Variants in TYW1 observed in about 807,000 individuals in gnomAD.
The protein encoded by TYW1 is tRNA-yW synthesizing protein 1 homolog, also known as S-adenosyl-L-methionine-dependent tRNA 4-demethylwyosine synthase TYW1.
Under a neutral mutation model 96.2 loss-of-function variants are expected in TYW1, and 46 were observed. The observed-to-expected ratio is 0.48, with a 90% CI of 0.38 to 0.61. TYW1 has a LOEUF of 0.61. TYW1 is among the 20% of genes least tolerant of loss of function. The probability of loss-of-function intolerance (pLI) is 0.00; values close to 1 mark genes in which losing one functional copy is unlikely to be tolerated. For missense variants in TYW1, 684 were observed against 909.6 expected, an observed-to-expected ratio of 0.75 and a Z score of 3.19; for synonymous variants, 274 against 323.0, an observed-to-expected ratio of 0.85 and a Z score of 1.63.
chr7:67,072,005 G>A (rs561659583), intron 10 of TYW1, among the ~76,000 whole-genome samples: 5 of 149,198 alleles, frequency 3.4e-5, no homozygotes, highest in East Asian at 2.0e-4. Flanking sequence ...CCTAAAGATC[G>A]GGCAGAGGTG....
chr7:67,211,709 G>A (rs1292130702), intron 15 of TYW1, among the ~76,000 whole-genome samples: 4 of 152,150 alleles, frequency 2.6e-5, no homozygotes, highest in Non-Finnish European at 2.9e-5. Context: ...TGAGAGACCT[G>A]GCTCCCACCC....
At chr7:67,017,528 C>T (rs879477493) in intron 5 of TYW1, among the ~76,000 whole-genome samples, 1 of 151,784 alleles carries the variant, frequency 6.6e-6, no homozygotes, top group African/African-American at 2.4e-5. Context: ...TTTGTTAACT[C>T]CTGTTTTGTT....
At chr7:67,214,664 G>T (rs569390486) in intron 15 of TYW1, among the ~76,000 whole-genome samples, 5 of 152,134 alleles carry the variant, frequency 3.3e-5, no homozygotes, top group African/African-American at 1.2e-4. Flanking sequence ...ATTAGGTTGA[G>T]AAAGTTCCCT....
At chr7:67,051,131 A>G (rs979390464) in intron 8 of TYW1, among the ~76,000 whole-genome samples, 1 of 152,054 alleles carries the variant, frequency 6.6e-6, no homozygotes, top group Non-Finnish European at 1.5e-5. Context: ...CAGCCTCCCA[A>G]AGTGCTGGGA....
At chr7:67,032,049 C>T (rs1175866165) in intron 7 of TYW1, among the ~76,000 whole-genome samples, 1 of 151,478 alleles carries the variant, frequency 6.6e-6, no homozygotes, top group African/African-American at 2.4e-5. Context: ...ATATCATAAA[C>T]AATAACAACA....
chr7:66,997,973 G>T, intron 1 of TYW1, 92 bp from the exon 2 acceptor site: 1 of 1,447,988 alleles, frequency 6.9e-7, no homozygotes, highest in Non-Finnish European at 9.2e-7. Flanking sequence ...GTTGTTGAAT[G>T]TAAGGTTGGT....
At chr7:67,131,317 C>A (rs2116055324) in intron 13 of TYW1, among the ~76,000 whole-genome samples, 1 of 152,068 alleles carries the variant, frequency 6.6e-6, no homozygotes, top group East Asian at 1.9e-4. Context: ...AAATGATGCC[C>A]TCTATTGTCA....
intron 12 of TYW1, among the ~76,000 whole-genome samples, chr7:67,101,381 G>A (rs532821644): frequency 6.6e-6 from 1 of 152,124 alleles, no homozygotes; most frequent in African/African-American, 2.4e-5. Flanking sequence ...GAAGTGGCGG[G>A]GTTTGTCCGA....
chr7:67,213,310 G>C (rs916734507), intron 15 of TYW1, among the ~76,000 whole-genome samples: 9 of 152,208 alleles, frequency 5.9e-5, no homozygotes, highest in African/African-American at 1.9e-4. Context: ...TGGGACTACA[G>C]GTTCATGCCA....
intron 15 of TYW1, among the ~76,000 whole-genome samples, chr7:67,212,260 CTT>C (rs3071734): frequency 2.4e-4 from 34 of 144,544 alleles, no homozygotes; most frequent in South Asian, 1.1e-3. Context: ...TTTTTTTAAC[CTT>C]TTTTTTTTTT....
At chr7:67,082,287 C>T (rs1796414040) in intron 10 of TYW1, among the ~76,000 whole-genome samples, 1 of 152,006 alleles carries the variant, frequency 6.6e-6, no homozygotes. Flanking sequence ...AAAGACTTTC[C>T]TGGAGAAGTA....
intron 13 of TYW1, among the ~76,000 whole-genome samples, chr7:67,152,716 C>T (rs1413829352): frequency 6.6e-6 from 1 of 152,186 alleles, no homozygotes. Flanking sequence ...ATTCTCCTGC[C>T]TCAGCCTCCC....
At chr7:67,157,556 G>T (rs1008129143) in intron 13 of TYW1, among the ~76,000 whole-genome samples, 1 of 152,220 alleles carries the variant, frequency 6.6e-6, no homozygotes, top group Non-Finnish European at 1.5e-5. Context: ...AAAGTATTGG[G>T]ATTACAGGTG....
At position 67,239,289 on chromosome 7, in the gene TYW1, T is replaced by G; in HGVS notation, c.*760T>G. On this transcript the variant is annotated 3_prime_UTR_variant, in exon 16 of 16. Coordinates refer to ENST00000359626, the MANE Select transcript of TYW1 (RefSeq NM_018264.4). ...TTGGACTGAAGAGGATCATTTCTTT[T>G]TGTTCGTGAGGTCACTGTCCAGGCC... The G allele has an allele frequency of 1.0e-6, 1 of 985,444 alleles. No homozygotes were observed. The highest frequency in any genetic ancestry group is 1.2e-6 in the Non-Finnish European group (1 of 829,940). The allele number at this position is 985,444 out of a possible 1,614,324, so 61.0% of individuals were successfully genotyped here.
At chr7:67,111,094 A>C (rs1291899762) in intron 12 of TYW1, among the ~76,000 whole-genome samples, 4 of 152,246 alleles carry the variant, frequency 2.6e-5, no homozygotes, top group African/African-American at 7.2e-5. Context: ...ACATGAAAGG[A>C]AACAGAATAG....
intron 7 of TYW1, among the ~76,000 whole-genome samples, chr7:67,046,631 A>G (rs1795195979): frequency 6.6e-6 from 1 of 152,256 alleles, no homozygotes; most frequent in African/African-American, 2.4e-5. Flanking sequence ...AGAGTAAACA[A>G]TGTCTGCACC....
intron 13 of TYW1, among the ~76,000 whole-genome samples, chr7:67,153,924 T>C (rs1798883144): frequency 1.6e-5 from 2 of 124,250 alleles, no homozygotes; most frequent in Admixed American, 1.7e-4. Flanking sequence ...TTAACGACTT[T>C]CTTTTTTTTT....
At chr7:67,089,191 C>A (rs1025785074) in intron 11 of TYW1, 1 of 756,264 alleles carries the variant, frequency 1.3e-6, no homozygotes, top group Non-Finnish European at 1.9e-6. Context: ...CCTCGCCACC[C>A]CTTTCCCCCT....
At chr7:67,204,706 G>T (rs1351856302) in intron 15 of TYW1, among the ~76,000 whole-genome samples, 4 of 151,668 alleles carry the variant, frequency 2.6e-5, no homozygotes, top group Non-Finnish European at 5.9e-5. Flanking sequence ...TGATTCTCCT[G>T]CCTCAGCCTC....
Sources: allele counts gnomAD v4.1 joint callset (sites outside exome capture counted in the v4.1 genomes callset), GRCh38; gene constraint gnomAD v4.1.1; transcripts MANE v1.5; gene names NCBI Gene and HGNC (gene_info 2026-07-23, HGNC 2026-07-21).